Variants in KGD4 observed in about 807,000 individuals in gnomAD.
KGD4 encodes alpha-ketoglutarate dehydrogenase component 4.
the KGD4 span, among the ~76,000 whole-genome samples, chr5:69,218,436 C>T: frequency 6.6e-6 from 1 of 150,492 alleles, no homozygotes; most frequent in African/African-American, 2.5e-5. Context: ...GAAAAGTAAA[C>T]TTAAGTTTAA....
At chr5:69,225,567 C>CTTT in the KGD4 span, among the ~76,000 whole-genome samples, 4 of 120,264 alleles carry the variant, frequency 3.3e-5, no homozygotes, top group African/African-American at 6.5e-5. Context: ...GCTCAGCCAC[C>CTTT]TTTTTTTTTT....
chr5:69,223,965 G>A, the KGD4 span, among the ~76,000 whole-genome samples: 39 of 151,402 alleles, frequency 2.6e-4, no homozygotes, highest in Admixed American at 2.0e-3. Context: ...CCCTTGAGGC[G>A]GAGGTTGCAG....
chr5:69,226,270 A>G, the KGD4 span: 18 of 1,085,422 alleles, frequency 1.7e-5, no homozygotes, highest in South Asian at 2.5e-4. Context: ...GTATCTACTT[A>G]TGAGGTTTAG....
the KGD4 span, chr5:69,226,404 G>T: frequency 3.2e-6 from 5 of 1,586,878 alleles, no homozygotes; most frequent in Non-Finnish European, 4.3e-6. Context: ...ACCCAATGGT[G>T]AGTTGTATTT....
the KGD4 span, chr5:69,217,767 C>T: frequency 3.7e-6 from 6 of 1,610,966 alleles, no homozygotes; most frequent in South Asian, 2.2e-5. Flanking sequence ...CCCACAGCTG[C>T]CCGGGACTCC....
At chr5:69,225,044 A>G in the KGD4 span, among the ~76,000 whole-genome samples, 1 of 149,354 alleles carries the variant, frequency 6.7e-6, no homozygotes, top group Non-Finnish European at 1.5e-5. Context: ...GCTGCACTCC[A>G]GCCTGGGCGA....
At chr5:69,217,983 T>G in the KGD4 span, 2 of 1,571,496 alleles carry the variant, frequency 1.3e-6, no homozygotes, top group Non-Finnish European at 1.7e-6. Context: ...ACCGCGCCTC[T>G]GCGGAGGGCC....
the KGD4 span, among the ~76,000 whole-genome samples, chr5:69,224,075 A>C: frequency 6.7e-6 from 1 of 149,208 alleles, no homozygotes; most frequent in Non-Finnish European, 1.5e-5. Context: ...TAGGAAAAAG[A>C]CTAAAATAAA....
At chr5:69,218,771 T>A in the KGD4 span, among the ~76,000 whole-genome samples, 3 of 152,174 alleles carry the variant, frequency 2.0e-5, no homozygotes, top group Non-Finnish European at 4.4e-5. Context: ...TATAAGTACA[T>A]CTCTTAAAAG....
At chr5:69,218,789 T>C in the KGD4 span, among the ~76,000 whole-genome samples, 1 of 152,188 alleles carries the variant, frequency 6.6e-6, no homozygotes, top group African/African-American at 2.4e-5. Flanking sequence ...AAGACCTTTT[T>C]CTAAATTCCT....
At chr5:69,225,389 G>A in the KGD4 span, among the ~76,000 whole-genome samples, 22 of 148,350 alleles carry the variant, frequency 1.5e-4, no homozygotes, top group African/African-American at 5.0e-4. Flanking sequence ...TCAGCCTCCT[G>A]AGTAGCTGGG....
At chr5:69,227,496 A>G in the KGD4 span, among the ~76,000 whole-genome samples, 1 of 152,228 alleles carries the variant, frequency 6.6e-6, no homozygotes, top group African/African-American at 2.4e-5. Context: ...CCCTTTTTTA[A>G]AAAAACCAGA....
At chr5:69,219,702 A>C in the KGD4 span, among the ~76,000 whole-genome samples, 1 of 152,158 alleles carries the variant, frequency 6.6e-6, no homozygotes, top group Admixed American at 6.6e-5. Flanking sequence ...AAAAAAAGAA[A>C]AAAAGAGAGA....
chr5:69,225,213 T>C, the KGD4 span, among the ~76,000 whole-genome samples: 1 of 148,168 alleles, frequency 6.7e-6, no homozygotes, highest in Non-Finnish European at 1.5e-5. Context: ...CAAGTGATCC[T>C]CCCACCTCAG....
the KGD4 span, among the ~76,000 whole-genome samples, chr5:69,218,456 G>C: frequency 7.5e-6 from 1 of 132,550 alleles, no homozygotes; most frequent in Non-Finnish European, 1.6e-5. Context: ...ATTAGTATGT[G>C]TGTGTGTATA....
the KGD4 span, chr5:69,218,224 G>A: frequency 6.8e-6 from 2 of 295,474 alleles, no homozygotes; most frequent in South Asian, 1.2e-4. Context: ...CGCCGTCTAG[G>A]ATTGGCTGTG....
the KGD4 span, among the ~76,000 whole-genome samples, chr5:69,227,174 T>C: frequency 6.6e-6 from 1 of 152,162 alleles, no homozygotes; most frequent in Non-Finnish European, 1.5e-5. Context: ...CTGGCCTTTA[T>C]TACCCCTATT....
the KGD4 span, among the ~76,000 whole-genome samples, chr5:69,226,048 A>G: frequency 6.6e-6 from 1 of 152,138 alleles, no homozygotes; most frequent in African/African-American, 2.4e-5. Context: ...ATTCTTACCA[A>G]TCTATAAGTC....
the KGD4 span, among the ~76,000 whole-genome samples, chr5:69,219,002 C>A: frequency 6.6e-6 from 1 of 152,130 alleles, no homozygotes; most frequent in Admixed American, 6.6e-5. Flanking sequence ...GGGTAAAAGA[C>A]TTGGCGTGTT....
Sources: gnomAD v4.1 joint callset for allele counts (sites outside exome capture counted in the v4.1 genomes callset) on GRCh38, gnomAD v4.1.1 for gene constraint, MANE v1.5 for transcripts, NCBI Gene and HGNC (gene_info 2026-07-23, HGNC 2026-07-21) for gene names.